PLEKHG5: variants seen among roughly 807,000 people sequenced by gnomAD.
The protein encoded by PLEKHG5 is pleckstrin homology and RhoGEF domain containing G5.
In PLEKHG5, 52 loss-of-function variants were observed where a neutral mutation model predicts 103.8. That is an observed-to-expected ratio of 0.50 (90% CI 0.40 to 0.63). PLEKHG5 has a LOEUF of 0.63. Among genes scored for constraint, PLEKHG5 ranks in the 30% least tolerant of loss-of-function variants. The probability of loss-of-function intolerance (pLI) is 0.00; values close to 1 mark genes in which losing one functional copy is unlikely to be tolerated. For synonymous variants in PLEKHG5, 592 were observed against 575.5 expected, an observed-to-expected ratio of 1.03 and a Z score of -0.41; for missense variants, 1,205 against 1,347.6, an observed-to-expected ratio of 0.89 and a Z score of 1.66.
chr1:6,471,423 G>A, intron 12 of PLEKHG5, 65 bp downstream of exon 12: 3 of 1,538,378 alleles, frequency 2.0e-6, no homozygotes, highest in Non-Finnish European at 2.6e-6. Context: ...GGATCGGGCC[G>A]TGGAGGCTTT....
At chr1:6,497,382 G>T, upstream of PLEKHG5, 2 of 1,081,754 alleles carry the variant, frequency 1.8e-6, no homozygotes, top group Non-Finnish European at 2.3e-6. The surrounding 1 kb of genome is among the most constrained non-coding windows in gnomAD (Gnocchi z 6.1). Flanking sequence ...GGGGACGCCG[G>T]GGACTGGGAG....
At chr1:6,516,775 A>G (rs868083694) in intron 1 of PLEKHG5, among the ~76,000 whole-genome samples, 2 of 130,574 alleles carry the variant, frequency 1.5e-5, no homozygotes, top group Non-Finnish European at 1.6e-5. Flanking sequence ...GTGTATATAT[A>G]TGTGTGTGTG....
In PLEKHG5 at chr1:6,467,290, A is replaced by G. The variant is rs1163039546; in HGVS notation, c.*273T>C. The G allele has an allele frequency of 1.0e-5, 6 of 587,680 alleles. No individual in the cohort carries two copies. The Admixed American group carries it at 1.6e-4, about 16-fold the overall frequency. The allele number at this position is 587,680 out of a possible 1,614,324, so 36.4% of individuals were successfully genotyped here. On this transcript the variant is annotated 3_prime_UTR_variant, in exon 21 of 21. Coordinates refer to ENST00000377728, the MANE Select transcript of PLEKHG5 (RefSeq NM_020631.6). Reference sequence around the variant, plus strand: ...GTAGAAGTAGGATGGGCAGCCTAGGAGCCCAGCCCTGAAGACTCGAGCTGA... The same window carrying G: ...GTAGAAGTAGGATGGGCAGCCTAGGGGCCCAGCCCTGAAGACTCGAGCTGA...
In PLEKHG5 at chr1:6,506,000, C is replaced by T. The variant is rs1185608281; in HGVS notation, c.-164-9431G>A. 6.6e-6 allele frequency: 1 copy of T among 152,608 alleles called. No homozygotes were observed. Among genetic ancestry groups the T allele is most frequent in the Non-Finnish European group, 1.5e-5 (1 of 68,080 alleles). 9.5% of individuals were successfully genotyped at this position (152,608 alleles called of 1,614,324 possible). Reference sequence around the variant, plus strand: ...CCGGTGCCAGAGCCTGCTGAAAGTCCTCCCGGGAGGTGGGTTCGCACCTAC... The same window carrying T: ...CCGGTGCCAGAGCCTGCTGAAAGTCTTCCCGGGAGGTGGGTTCGCACCTAC... On this transcript the variant is annotated intron_variant, in intron 1 of 21. Coordinates refer to the PLEKHG5 transcript ENST00000377740. The surrounding 1 kb of genome is among the most constrained non-coding windows in gnomAD (Gnocchi z 4.2).
At chr1:6,511,767 C>T (rs376393283) in intron 1 of PLEKHG5, among the ~76,000 whole-genome samples, 22 of 152,328 alleles carry the variant, frequency 1.4e-4, no homozygotes, top group African/African-American at 5.1e-4. Context: ...TGACTGCAGC[C>T]CCCCCAGAGA....
In PLEKHG5 at chr1:6,476,054, G is replaced by A. The variant is rs1644758473; in HGVS notation, c.44-18C>T. ...CACAGAGCCTTGGGAGAAAGCAGGAGAGGGTTGTGCCTCCCCCGCCCCTCC... is the reference window on the plus strand; with the variant it reads ...CACAGAGCCTTGGGAGAAAGCAGGAAAGGGTTGTGCCTCCCCCGCCCCTCC... On this transcript the variant is annotated intron_variant, in intron 2 of 20. Transcript: ENST00000377728. 1 of 1,607,682 alleles carries A rather than the reference G, an allele frequency of 6.2e-7. No homozygotes were observed. The highest frequency in any genetic ancestry group is 1.1e-5 in the South Asian group (1 of 91,010).
rs1644739910 is a variant in PLEKHG5 at position 6,475,473 on chromosome 1, T to C, written c.199A>G (p.Arg67Gly). ...LKLSKKKARR[R>G]HTDDPSKECF... ...GGGGGGCTCCTCACATCCGTGTGTC[T>C]CCTCCTTGCTTTCTTCTTGGAGAGT... Residue 67 changes from arginine to glycine, a missense_variant, in exon 4 of 21, where the codon AGA becomes GGA. Transcript: ENST00000377728. 2 of 1,613,262 alleles carry C rather than the reference T, an allele frequency of 1.2e-6. No individual in the cohort carries two copies. The highest frequency in any genetic ancestry group is 2.2e-5 in the South Asian group (2 of 91,050).
intron 1 of PLEKHG5, among the ~76,000 whole-genome samples, chr1:6,518,282 C>T (rs1432953276): frequency 1.3e-5 from 2 of 151,128 alleles, no homozygotes; most frequent in Non-Finnish European, 3.0e-5. Flanking sequence ...TGTGCAGGGC[C>T]AGACGCGGTG....
At chr1:6,472,461 T>A in intron 10 of PLEKHG5, 66 bp downstream of exon 10, 1 of 1,142,316 alleles carries the variant, frequency 8.8e-7, no homozygotes. Flanking sequence ...AGGCTCAGAC[T>A]CAGCTGAGGG....
chr1:6,479,419 T>A (rs1644846419), intron 1 of PLEKHG5, among the ~76,000 whole-genome samples: 1 of 151,628 alleles, frequency 6.6e-6, no homozygotes, highest in Non-Finnish European at 1.5e-5. Flanking sequence ...CCTGAGTAGC[T>A]GGGACTACAG....
In PLEKHG5 at chr1:6,516,753, G is replaced by GTA. The variant is rs1259585390; in HGVS notation, c.-165+2690_-165+2691dup. ...TATGTGTGTATATATATGTGTGTGTGTATATATATATGTGTATATATATGT... is the reference window on the plus strand; with the variant it reads ...TATGTGTGTATATATATGTGTGTGTGTATATATATATATGTGTATATATATGT... On this transcript the variant is annotated intron_variant, in intron 1 of 21. Coordinates refer to the PLEKHG5 transcript ENST00000377740. Among the ~76,000 whole-genome samples the GTA allele has an allele frequency of 6.3e-3, 523 of 82,552 alleles. 5 individuals carry two copies. The highest frequency in any genetic ancestry group is 0.015 in the African/African-American group (488 of 31,522). 54.2% of individuals were successfully genotyped at this position (82,552 alleles called of 152,430 possible). A position where few individuals can be genotyped will look rare whatever the true frequency, so the allele number is the denominator to read the frequency against.
rs929431229 is a variant in PLEKHG5, at chr1:6,505,314, G to A, written c.-164-8745C>T. ...ACGATGCCGACCAGCCTACGGTGCCGACCAGCTGAGCTGAGCGGACAGAAT... is the reference window on the plus strand; with the variant it reads ...ACGATGCCGACCAGCCTACGGTGCCAACCAGCTGAGCTGAGCGGACAGAAT... On this transcript the variant is annotated intron_variant, in intron 1 of 21. Transcript: ENST00000377740. This position sits in a 1 kb window ranked among gnomAD's most constrained non-coding sequence, Gnocchi z 4.2. 1.3e-5 allele frequency among the ~76,000 whole-genome samples: 2 copies of A among 151,988 alleles called. No individual in the cohort carries two copies. The highest frequency in any genetic ancestry group is 4.8e-5 in the African/African-American group (2 of 41,354).
upstream of PLEKHG5, among the ~76,000 whole-genome samples, chr1:6,494,815 G>T (rs1645199336): frequency 6.6e-6 from 1 of 152,154 alleles, no homozygotes. Flanking sequence ...TGTCCCAAAG[G>T]GCGTCCCAGT....
chr1:6,488,990 G>A (rs914810529), intron 1 of PLEKHG5, among the ~76,000 whole-genome samples: 3 of 152,074 alleles, frequency 2.0e-5, no homozygotes, highest in Admixed American at 6.5e-5. Flanking sequence ...GCCCCACAAC[G>A]AGCTGGGGCC....
chr1:6,508,639 C>G (rs775711926), intron 1 of PLEKHG5, among the ~76,000 whole-genome samples: 2 of 152,250 alleles, frequency 1.3e-5, no homozygotes, highest in African/African-American at 4.8e-5. Context: ...GACTGACGAG[C>G]GATGCCGCTG....
chr1:6,487,995 C>G lies in PLEKHG5; in HGVS notation c.-88+3642G>C, dbSNP rs1416649083. Among the ~76,000 whole-genome samples, 2 of 152,140 alleles carry G rather than the reference C, an allele frequency of 1.3e-5. No homozygotes were observed. Among genetic ancestry groups the G allele is most frequent in the Non-Finnish European group, 2.9e-5 (2 of 68,028 alleles). ...CCAGGATATCCCTTCCTGTGGCCGACAGTCAACAGAGCCTTCCCCACTGCC... is the reference window on the plus strand; with the variant it reads ...CCAGGATATCCCTTCCTGTGGCCGAGAGTCAACAGAGCCTTCCCCACTGCC... On this transcript the variant is annotated intron_variant, in intron 1 of 20. Coordinates refer to ENST00000377728, the MANE Select transcript of PLEKHG5 (RefSeq NM_020631.6). This position sits in a 1 kb window ranked among gnomAD's most constrained non-coding sequence, Gnocchi z 4.1.
rs534286562 is a variant in PLEKHG5, at chr1:6,487,525, C to T, written c.-88+4112G>A. Among the ~76,000 whole-genome samples the T allele has an allele frequency of 2.0e-5, 3 of 152,314 alleles. No individual in the cohort carries two copies. The highest frequency in any genetic ancestry group is 4.1e-4 in the South Asian group (2 of 4,824). The stretch of plus-strand genomic sequence containing the variant: ...GCTGGTCCGCACAGGGTCCACCTGC[C>T]GGTCTTCCTTCTCTCCCTACAGCTC... On this transcript the variant is annotated intron_variant, in intron 1 of 20. Coordinates refer to ENST00000377728, the MANE Select transcript of PLEKHG5 (RefSeq NM_020631.6). This position sits in a 1 kb window ranked among gnomAD's most constrained non-coding sequence, Gnocchi z 4.1.
intron 2 of PLEKHG5, among the ~76,000 whole-genome samples, chr1:6,476,975 C>A (rs146109667): frequency 6.6e-6 from 1 of 152,234 alleles, no homozygotes; most frequent in African/African-American, 2.4e-5. Flanking sequence ...CAGAAGAATC[C>A]TTTTGTTCCT....
At chr1:6,477,752 C>T in intron 1 of PLEKHG5, 94 bp from the exon 2 acceptor site, 14 of 1,354,960 alleles carry the variant, frequency 1.0e-5, no homozygotes, top group Non-Finnish European at 1.4e-5. Flanking sequence ...ATGAACTGCC[C>T]TCCATCTCTC....
Sources: allele counts gnomAD v4.1 joint callset (sites outside exome capture counted in the v4.1 genomes callset), GRCh38; gene constraint gnomAD v4.1.1; non-coding constraint Gnocchi (gnomAD v3.1); transcripts MANE v1.5; gene names NCBI Gene and HGNC (gene_info 2026-07-23, HGNC 2026-07-21).